The following SLC24A2 variants were observed in gnomAD, a reference collection of about 807,000 sequenced individuals.
SLC24A2 encodes solute carrier family 24 member 2, also known as sodium/potassium/calcium exchanger 2.
In SLC24A2, 36 loss-of-function variants were observed where a neutral mutation model predicts 62.0. The observed-to-expected ratio is 0.58, with a 90% CI of 0.44 to 0.77. The LOEUF (loss-of-function observed/expected upper bound fraction) is 0.77. SLC24A2 is among the 30% of genes least tolerant of loss of function. The pLI, the probability that SLC24A2 is intolerant of heterozygous loss-of-function variation, is 0.00. For synonymous variants in SLC24A2, 358 were observed against 294.0 expected (o/e 1.22, Z -2.23); for missense variants, 846 against 817.9 (o/e 1.03, Z -0.42).
the SLC24A2 span, among the ~76,000 whole-genome samples, chr9:19,953,933 A>G: frequency 2.7e-4 from 41 of 152,040 alleles, no homozygotes; most frequent in Middle Eastern, 3.4e-3. Flanking sequence ...TAGTTTTCAC[A>G]CTGTCCTATT....
At chr9:20,122,312 G>C in the SLC24A2 span, among the ~76,000 whole-genome samples, 1 of 152,202 alleles carries the variant, frequency 6.6e-6, no homozygotes, top group Non-Finnish European at 1.5e-5. Context: ...CACACTTGCT[G>C]ACAATCAGGC....
At chr9:20,237,317 G>A in the SLC24A2 span, among the ~76,000 whole-genome samples, 2 of 152,300 alleles carry the variant, frequency 1.3e-5, no homozygotes, top group Middle Eastern at 3.4e-3. Context: ...CTAGGTAAAG[G>A]TAGGTCATAA....
chr9:20,201,932 T>C, the SLC24A2 span, among the ~76,000 whole-genome samples: 14 of 150,902 alleles, frequency 9.3e-5, no homozygotes, highest in African/African-American at 3.2e-4. Flanking sequence ...ACTGGAAGAG[T>C]AAGAAAAATA....
chr9:20,244,799 A>C, the SLC24A2 span, among the ~76,000 whole-genome samples: 1 of 152,170 alleles, frequency 6.6e-6, no homozygotes, highest in Non-Finnish European at 1.5e-5. Context: ...ATTTTTCTAC[A>C]TTTTCTTTAA....
the SLC24A2 span, chr9:19,927,807 G>T: frequency 2.6e-4 from 39 of 152,352 alleles, no homozygotes; most frequent in African/African-American, 7.5e-4. Flanking sequence ...ATCCAATGGG[G>T]TGTGAACTGA....
chr9:20,088,666 C>T, the SLC24A2 span, among the ~76,000 whole-genome samples: 3 of 152,136 alleles, frequency 2.0e-5, no homozygotes, highest in African/African-American at 7.2e-5. Flanking sequence ...GAGGTTGGAG[C>T]AGACCCCCCC....
the SLC24A2 span, among the ~76,000 whole-genome samples, chr9:20,134,070 A>T: frequency 2.6e-5 from 4 of 152,152 alleles, no homozygotes; most frequent in Non-Finnish European, 5.9e-5. Context: ...GTACACATAG[A>T]TTCACAGCTT....
At chr9:19,865,133 G>A in the SLC24A2 span, among the ~76,000 whole-genome samples, 1 of 151,970 alleles carries the variant, frequency 6.6e-6, no homozygotes, top group African/African-American at 2.4e-5. Flanking sequence ...CCGAATGAAT[G>A]AAAAATCTCT....
chr9:19,810,724 A>G, the SLC24A2 span, among the ~76,000 whole-genome samples: 1 of 152,212 alleles, frequency 6.6e-6, no homozygotes, highest in East Asian at 1.9e-4. Context: ...AACTTGTTAG[A>G]AAACAAAATG....
the SLC24A2 span, among the ~76,000 whole-genome samples, chr9:20,117,848 A>T: frequency 2.0e-5 from 3 of 152,160 alleles, no homozygotes; most frequent in African/African-American, 7.2e-5. Flanking sequence ...AAGTCTTTGA[A>T]ATCAGTATAC....
At chr9:19,586,490 C>T (rs568295164) in intron 5 of SLC24A2, among the ~76,000 whole-genome samples, 61 of 151,976 alleles carry the variant, frequency 4.0e-4, no homozygotes, top group Non-Finnish European at 7.1e-4. Context: ...AAACACATTG[C>T]GGGAAACTTG....
chr9:19,981,369 G>T, the SLC24A2 span, among the ~76,000 whole-genome samples: 4 of 152,110 alleles, frequency 2.6e-5, no homozygotes, highest in Non-Finnish European at 5.9e-5. Flanking sequence ...TAATAATATT[G>T]CAGGAACTCT....
the SLC24A2 span, among the ~76,000 whole-genome samples, chr9:20,212,582 T>C: frequency 6.6e-6 from 1 of 151,702 alleles, no homozygotes; most frequent in Admixed American, 6.6e-5. Context: ...ATATATATTA[T>C]AGAATTGGTA....
the SLC24A2 span, among the ~76,000 whole-genome samples, chr9:20,129,062 A>C: frequency 2.0e-5 from 3 of 152,110 alleles, no homozygotes; most frequent in Non-Finnish European, 4.4e-5. Flanking sequence ...AATATCTAGA[A>C]TATATAAAGA....
chr9:19,987,967 A>G, the SLC24A2 span, among the ~76,000 whole-genome samples: 1 of 152,240 alleles, frequency 6.6e-6, no homozygotes, highest in Non-Finnish European at 1.5e-5. Flanking sequence ...TGTCAATTGC[A>G]TTGAAAACAA....
At chr9:20,118,091 AGAGT>A in the SLC24A2 span, among the ~76,000 whole-genome samples, 1 of 152,158 alleles carries the variant, frequency 6.6e-6, no homozygotes, top group Admixed American at 6.6e-5. Context: ...CTTAGGATAA[AGAGT>A]AAGTCAACCT....
intron 2 of SLC24A2, among the ~76,000 whole-genome samples, chr9:19,659,683 A>G (rs1819040817): frequency 6.6e-6 from 1 of 152,140 alleles, no homozygotes; most frequent in Non-Finnish European, 1.5e-5. Context: ...TATTTTTAAC[A>G]CTGATGACAT....
chr9:20,217,746 G>A, the SLC24A2 span, among the ~76,000 whole-genome samples: 178 of 152,262 alleles, frequency 1.2e-3, no homozygotes, highest in African/African-American at 4.2e-3. Context: ...TTTTCCTGGA[G>A]AATATCTGTT....
intron 1 of SLC24A2, chr9:19,788,402 C>T: frequency 4.6e-6 from 3 of 647,296 alleles, no homozygotes; most frequent in Non-Finnish European, 5.8e-6. Context: ...AAACCCACCG[C>T]TCGTCTCCCC....
Sources: allele counts gnomAD v4.1 joint callset (sites outside exome capture counted in the v4.1 genomes callset), GRCh38; gene constraint gnomAD v4.1.1; transcripts MANE v1.5; gene names NCBI Gene and HGNC (gene_info 2026-07-23, HGNC 2026-07-21).